Variants in UBR1 observed in about 807,000 individuals in gnomAD.
UBR1 encodes the protein E3 ubiquitin-protein ligase UBR1.
In UBR1, 102 loss-of-function variants were observed where a neutral mutation model predicts 242.1. The ratio of observed to expected loss-of-function variants is 0.42; its 90% CI spans 0.36 to 0.50. The LOEUF (loss-of-function observed/expected upper bound fraction) is 0.50, where lower values mean the gene tolerates loss of function less well. Ranked by LOEUF, UBR1 falls within the 20% of genes least tolerant of loss-of-function variation. UBR1 has a pLI of 0.01. For missense variants in UBR1, 1,772 were observed against 2,101.8 expected, an observed-to-expected ratio of 0.84 and a Z score of 3.07; for synonymous variants, 675 against 684.8, an observed-to-expected ratio of 0.99 and a Z score of 0.22.
chr15:43,025,924 A>G (rs1205647795), intron 23 of UBR1: 1 of 158,662 alleles, frequency 6.3e-6, no homozygotes, highest in Non-Finnish European at 1.4e-5. Context: ...CAAAAGAATT[A>G]TCTTCTAAAT....
intron 39 of UBR1, among the ~76,000 whole-genome samples, chr15:42,973,885 G>GTTTTTT (rs1174730906): frequency 3.3e-5 from 4 of 120,256 alleles, no homozygotes; most frequent in East Asian, 2.5e-4. Context: ...ACTTGTAGGA[G>GTTTTTT]TTTTTTTTTT....
At chr15:42,979,759 C>T (rs1268470698) in intron 37 of UBR1, among the ~76,000 whole-genome samples, 3 of 151,934 alleles carry the variant, frequency 2.0e-5, no homozygotes, top group African/African-American at 7.3e-5. Flanking sequence ...GGTTTTGCCA[C>T]GTTGGCCAGG....
chr15:42,976,603 A>C, intron 39 of UBR1, 114 bp downstream of exon 39: 3 of 1,345,072 alleles, frequency 2.2e-6, no homozygotes, highest in Non-Finnish European at 3.1e-6. Flanking sequence ...ATCATTCAAC[A>C]AAAAACATAA....
At chr15:43,024,716 C>T in intron 25 of UBR1, 113 bp downstream of exon 25, 1 of 1,458,940 alleles carries the variant, frequency 6.9e-7, no homozygotes, top group South Asian at 1.1e-5. Flanking sequence ...TTAATGACCC[C>T]TATGTTTCCG....
intron 43 of UBR1, among the ~76,000 whole-genome samples, chr15:42,959,041 G>A (rs914780809): frequency 2.0e-5 from 3 of 152,144 alleles, no homozygotes; most frequent in African/African-American, 7.2e-5. Context: ...ATGTTGGTCA[G>A]GCTGGTCTCG....
At chr15:43,090,369 G>A (rs777649497) in intron 1 of UBR1, among the ~76,000 whole-genome samples, 13 of 151,988 alleles carry the variant, frequency 8.6e-5, no homozygotes, top group South Asian at 2.1e-4. Context: ...TCTGCTTATC[G>A]AATGAGTAAT....
At chr15:43,090,286 A>G (rs758231530) in intron 1 of UBR1, among the ~76,000 whole-genome samples, 1 of 152,182 alleles carries the variant, frequency 6.6e-6, no homozygotes, top group Non-Finnish European at 1.5e-5. Flanking sequence ...GAGAAAAATC[A>G]TGACGACTAT....
At chr15:43,059,464 C>T (rs1001640988) in intron 8 of UBR1, among the ~76,000 whole-genome samples, 7 of 151,860 alleles carry the variant, frequency 4.6e-5, no homozygotes, top group Non-Finnish European at 1.0e-4. Flanking sequence ...AAGAATAATT[C>T]TGTCAACATC....
At chr15:43,025,273 T>C (rs2033164939) in intron 24 of UBR1, 108 bp downstream of exon 24, 1 of 1,093,010 alleles carries the variant, frequency 9.1e-7, no homozygotes, top group African/African-American at 1.6e-5. Flanking sequence ...TGCACTTCCT[T>C]GAGTTGCCCA....
Position 43,023,478 on chromosome 15 carries a change from C to T in UBR1, c.2740-677G>A, listed in dbSNP as rs1225066897. Among the ~76,000 whole-genome samples, 5 of 151,350 alleles carry T rather than the reference C, an allele frequency of 3.3e-5. No homozygotes were observed. The South Asian group carries it at 1.0e-3, about 32-fold the overall frequency. ...TGGTGGTGGGCATCTGTAATCCCAG[C>T]TGCTTGGGAGGCTGAGGCAGGAGAA... On this transcript the variant is annotated intron_variant, in intron 25 of 46. Coordinates refer to ENST00000290650, the MANE Select transcript of UBR1 (RefSeq NM_174916.3).
chr15:42,976,397 T>G (rs2032288140), intron 39 of UBR1, among the ~76,000 whole-genome samples: 1 of 152,156 alleles, frequency 6.6e-6, no homozygotes, highest in South Asian at 2.1e-4. Flanking sequence ...AGGGACCTCC[T>G]TATCAAAAGG....
intron 1 of UBR1, among the ~76,000 whole-genome samples, chr15:43,101,551 C>G (rs1426278129): frequency 6.6e-6 from 1 of 152,162 alleles, no homozygotes; most frequent in Non-Finnish European, 1.5e-5. Flanking sequence ...CAACCAAGGC[C>G]AGGTGCGATG....
At chr15:43,078,079 G>A (rs2033929465) in intron 3 of UBR1, among the ~76,000 whole-genome samples, 1 of 152,152 alleles carries the variant, frequency 6.6e-6, no homozygotes, top group African/African-American at 2.4e-5. Flanking sequence ...AAGACTCCAT[G>A]AAAAAGTACA....
At chr15:42,975,442 T>TG (rs1205751749) in intron 39 of UBR1, among the ~76,000 whole-genome samples, 2 of 93,506 alleles carry the variant, frequency 2.1e-5, no homozygotes, top group Admixed American at 1.3e-4. Flanking sequence ...AAATTGTTTC[T>TG]GTTTTTTTTG....
rs1203196213 is a variant in UBR1, at chr15:42,943,064, A to T, written c.*2265T>A. 1 of 152,646 alleles carries T rather than the reference A, an allele frequency of 6.6e-6. No individual in the cohort carries two copies. Among genetic ancestry groups the T allele is most frequent in the East Asian group, 1.9e-4 (1 of 5,204 alleles). 9.5% of individuals were successfully genotyped at this position (152,646 alleles called of 1,614,324 possible). On this transcript the variant is annotated 3_prime_UTR_variant, in exon 47 of 47. Coordinates refer to ENST00000290650, the MANE Select transcript of UBR1 (RefSeq NM_174916.3). ...TGGTATAAACATGTTGCAGTCACTA[A>T]ATATAGATCATCATCACAGTGAACC...
chr15:43,005,518 G>A (rs1234339662), intron 30 of UBR1, among the ~76,000 whole-genome samples: 4 of 151,886 alleles, frequency 2.6e-5, no homozygotes, highest in Non-Finnish European at 4.4e-5. Context: ...AGGTGGGGGG[G>A]CGCCTCTGTC....
chr15:43,025,923 TA>T (rs1343580728), intron 23 of UBR1: 1 of 158,496 alleles, frequency 6.3e-6, no homozygotes, highest in East Asian at 1.8e-4. Context: ...GCAAAAGAAT[TA>T]TCTTCTAAAT....
Position 42,947,280 on chromosome 15 carries a change from G to T in UBR1, c.5109-1810C>A, listed in dbSNP as rs935824370. 2.0e-5 allele frequency among the ~76,000 whole-genome samples: 3 copies of T among 152,142 alleles called. No individual in the cohort carries two copies. In the South Asian group the frequency reaches 6.2e-4, roughly 32 times the overall value. ...GAAGAAAGGTTGATTACAAACAATA[G>T]AACACTGAAACATTAAGATGGCTGG... On this transcript the variant is annotated intron_variant, in intron 46 of 46. Transcript: ENST00000290650.
At chr15:43,017,669 G>A (rs1055348230) in intron 27 of UBR1, among the ~76,000 whole-genome samples, 1 of 151,762 alleles carries the variant, frequency 6.6e-6, no homozygotes, top group Non-Finnish European at 1.5e-5. Flanking sequence ...AATTAGCTGG[G>A]CGTGGTGACC....
Sources: allele counts gnomAD v4.1 joint callset (sites outside exome capture counted in the v4.1 genomes callset), GRCh38; gene constraint gnomAD v4.1.1; transcripts MANE v1.5; gene names NCBI Gene and HGNC (gene_info 2026-07-23, HGNC 2026-07-21).